SPOCK1: variants seen among roughly 807,000 people sequenced by gnomAD.
SPOCK1 encodes testican-1.
In SPOCK1, 23 loss-of-function variants were observed where a neutral mutation model predicts 55.3. The ratio of observed to expected loss-of-function variants is 0.42; its 90% confidence interval spans 0.30 to 0.59. SPOCK1 has a LOEUF of 0.59. SPOCK1 is among the 20% of genes least tolerant of loss of function. The pLI is 0.22. For missense variants in SPOCK1, 499 were observed against 552.5 expected (o/e 0.90, Z 0.97); for synonymous variants, 226 against 221.0 (o/e 1.02, Z -0.20).
At chr5:137,361,716 A>G (rs918203055) in intron 2 of SPOCK1, among the ~76,000 whole-genome samples, 1 of 152,210 alleles carries the variant, frequency 6.6e-6, no homozygotes, top group Non-Finnish European at 1.5e-5. Flanking sequence ...GTTTCCACAA[A>G]TTGCGTATAT....
intron 2 of SPOCK1, among the ~76,000 whole-genome samples, chr5:137,459,822 A>C (rs1753443143): frequency 6.6e-6 from 1 of 152,324 alleles, no homozygotes; most frequent in African/African-American, 2.4e-5. Flanking sequence ...GGTATATGAA[A>C]GATACTCATG....
chr5:137,060,083 C>T (rs894014851), intron 6 of SPOCK1, among the ~76,000 whole-genome samples: 2 of 152,226 alleles, frequency 1.3e-5, no homozygotes, highest in Non-Finnish European at 2.9e-5. Context: ...TTTGACCCAA[C>T]AATCCCATTA....
chr5:137,332,274 C>A (rs1758201446), intron 2 of SPOCK1, among the ~76,000 whole-genome samples: 1 of 152,136 alleles, frequency 6.6e-6, no homozygotes, highest in Admixed American at 6.5e-5. Flanking sequence ...TCACAAGTTC[C>A]CTCTTGTGAG....
chr5:137,163,610 C>T (rs773175817), intron 3 of SPOCK1, among the ~76,000 whole-genome samples: 3 of 152,164 alleles, frequency 2.0e-5, no homozygotes, highest in Admixed American at 6.5e-5. Context: ...TTGAAGTAGA[C>T]ATCATTATCC....
intron 5 of SPOCK1, among the ~76,000 whole-genome samples, chr5:137,074,693 T>TTTGTTG (rs59523966): frequency 3.4e-4 from 51 of 148,532 alleles, no homozygotes; most frequent in African/African-American, 1.1e-3. Context: ...ATTTTTGTAT[T>TTTGTTG]TTGTTGTTGT....
intron 2 of SPOCK1, among the ~76,000 whole-genome samples, chr5:137,316,465 A>T (rs1044480505): frequency 1.3e-5 from 2 of 152,194 alleles, no homozygotes; most frequent in Non-Finnish European, 2.9e-5. Flanking sequence ...ATGTGATTCA[A>T]GGAATTCGAG....
At chr5:137,456,252 C>T (rs963536097) in intron 2 of SPOCK1, among the ~76,000 whole-genome samples, 2 of 152,150 alleles carry the variant, frequency 1.3e-5, no homozygotes, top group Admixed American at 1.3e-4. Context: ...CAGGAGATTC[C>T]TGCTCGATCC....
At chr5:137,313,889 G>A (rs1050150621) in intron 2 of SPOCK1, among the ~76,000 whole-genome samples, 1 of 149,892 alleles carries the variant, frequency 6.7e-6, no homozygotes, top group East Asian at 2.0e-4. Flanking sequence ...CCACAGAAGA[G>A]AGCAGCAGCA....
intron 2 of SPOCK1, among the ~76,000 whole-genome samples, chr5:137,340,882 A>G (rs1269322164): frequency 7.7e-6 from 1 of 129,884 alleles, no homozygotes; most frequent in African/African-American, 2.7e-5. Flanking sequence ...TTCCATCTCA[A>G]AAAAAAAAAA....
At chr5:137,100,875 GAA>G (rs57089475) in intron 5 of SPOCK1, among the ~76,000 whole-genome samples, 32 of 147,176 alleles carry the variant, frequency 2.2e-4, no homozygotes, top group Middle Eastern at 7.1e-3. Flanking sequence ...TCCGAAAGGG[GAA>G]AAAAAAAAAA....
intron 2 of SPOCK1, among the ~76,000 whole-genome samples, chr5:137,347,578 G>A (rs372339073): frequency 4.9e-4 from 75 of 152,196 alleles, no homozygotes; most frequent in Non-Finnish European, 7.4e-4. Flanking sequence ...AAAATTAGCC[G>A]GGTGTGGTGG....
chr5:137,020,091 A>G (rs971161951), intron 6 of SPOCK1, among the ~76,000 whole-genome samples: 1 of 151,820 alleles, frequency 6.6e-6, no homozygotes, highest in African/African-American at 2.4e-5. Flanking sequence ...AAAAAATAGG[A>G]AAAAGAATCC....
chr5:137,192,245 AAAAAAAAAAAG>A (rs1457484149), intron 3 of SPOCK1, among the ~76,000 whole-genome samples: 1 of 151,264 alleles, frequency 6.6e-6, no homozygotes, highest in Non-Finnish European at 1.5e-5. Flanking sequence ...AAAAAAAAAA[AAAAAAAAAAAG>A]AAAAGGAAAA....
chr5:137,302,098 T>C (rs887762125), intron 2 of SPOCK1, among the ~76,000 whole-genome samples: 21 of 152,176 alleles, frequency 1.4e-4, no homozygotes, highest in Non-Finnish European at 2.6e-4. Flanking sequence ...TAAACAGTTG[T>C]CCAGAAATTC....
chr5:137,182,587 GC>G (rs1416006693), intron 3 of SPOCK1, among the ~76,000 whole-genome samples: 1 of 152,138 alleles, frequency 6.6e-6, no homozygotes, highest in Non-Finnish European at 1.5e-5. Flanking sequence ...GGATTTCGGA[GC>G]CCTTGTCTGA....
chr5:137,417,305 T>C (rs897047072), intron 2 of SPOCK1, among the ~76,000 whole-genome samples: 1 of 151,630 alleles, frequency 6.6e-6, no homozygotes, highest in Non-Finnish European at 1.5e-5. Flanking sequence ...CATTTTACTC[T>C]GACGTTCAGG....
intron 6 of SPOCK1, among the ~76,000 whole-genome samples, chr5:137,017,577 C>T (rs1751471945): frequency 6.6e-6 from 1 of 152,068 alleles, no homozygotes; most frequent in Non-Finnish European, 1.5e-5. Context: ...AAGGTAATAA[C>T]ACAATGAATG....
At chr5:137,067,161 C>T (rs1752524482) in intron 6 of SPOCK1, among the ~76,000 whole-genome samples, 1 of 152,282 alleles carries the variant, frequency 6.6e-6, no homozygotes, top group African/African-American at 2.4e-5. Flanking sequence ...ATCATGAAAA[C>T]ATCCAAATGA....
intron 4 of SPOCK1, among the ~76,000 whole-genome samples, chr5:137,133,470 A>G (rs1753922379): frequency 6.6e-6 from 1 of 152,168 alleles, no homozygotes; most frequent in Non-Finnish European, 1.5e-5. Flanking sequence ...TCCTTAATCC[A>G]AGGGACTAAA....
Sources: gnomAD v4.1 joint callset for allele counts (sites outside exome capture counted in the v4.1 genomes callset) on GRCh38, gnomAD v4.1.1 for gene constraint, MANE v1.5 for transcripts, NCBI Gene and HGNC (gene_info 2026-07-23, HGNC 2026-07-21) for gene names.